HYAL1: variants seen among roughly 807,000 people sequenced by gnomAD.
The protein encoded by HYAL1 is hyaluronidase 1, also known as hyaluronidase-1.
Under a neutral mutation model 28.8 loss-of-function variants are expected in HYAL1, and 21 were observed. The ratio of observed to expected loss-of-function variants is 0.73; its 90% CI spans 0.52 to 1.05. The LOEUF (loss-of-function observed/expected upper bound fraction) is 1.05. Ranked by LOEUF, HYAL1 falls within the 50% of genes least tolerant of loss-of-function variation. The probability of loss-of-function intolerance (pLI) is 0.00; values close to 1 mark genes in which losing one functional copy is unlikely to be tolerated. For synonymous variants in HYAL1, 200 were observed against 230.1 expected, an observed-to-expected ratio of 0.87 and a Z score of 1.18; for missense variants, 491 against 579.2, an observed-to-expected ratio of 0.85 and a Z score of 1.56.
upstream of HYAL1, among the ~76,000 whole-genome samples, chr3:50,307,895 C>T (rs1225998511): frequency 6.9e-5 from 10 of 145,798 alleles, no homozygotes; most frequent in South Asian, 8.7e-4. Flanking sequence ...CCCGGGTTCA[C>T]GCCATTCTCC....
Position 50,300,371 on chromosome 3 carries a change from T to C in HYAL1, c.*112A>G. 9.5e-7 allele frequency: 1 copy of C among 1,053,444 alleles called. No homozygotes were observed. The highest frequency in any genetic ancestry group is 1.8e-5 in the Admixed American group (1 of 56,020). 65.3% of individuals were successfully genotyped at this position (1,053,444 alleles called of 1,614,324 possible). On this transcript the variant is annotated 3_prime_UTR_variant, in exon 4 of 4. Coordinates refer to ENST00000395144, the MANE Select transcript of HYAL1 (RefSeq NM_033159.4). ...GAATATGCCTGTGACAGTGGCTGAGTGTACTCTTTACTGTGACCATGACTT... is the reference window on the plus strand; with the variant it reads ...GAATATGCCTGTGACAGTGGCTGAGCGTACTCTTTACTGTGACCATGACTT...
At chr3:50,310,429 AT>A (rs782711884) in intron 1 of HYAL1, among the ~76,000 whole-genome samples, 14 of 143,412 alleles carry the variant, frequency 9.8e-5, no homozygotes, top group South Asian at 2.2e-4. Flanking sequence ...ACGCCCGGCT[AT>A]TTTTTTTTTG....
intron 1 of HYAL1, among the ~76,000 whole-genome samples, chr3:50,311,849 A>AC (rs1299040962): frequency 1.3e-5 from 1 of 79,216 alleles, no homozygotes; most frequent in Non-Finnish European, 2.4e-5. Context: ...CGGGGGGCTG[A>AC]CCCCCCCACC....
upstream of HYAL1, among the ~76,000 whole-genome samples, chr3:50,304,372 G>A (rs1300142812): frequency 1.0e-3 from 133 of 129,796 alleles, no homozygotes; most frequent in African/African-American, 3.6e-3. Flanking sequence ...AGGCTGAGGT[G>A]GGAGAATTGC....
chr3:50,307,191 CCT>C (rs587641619), upstream of HYAL1, among the ~76,000 whole-genome samples: 464 of 150,380 alleles, frequency 3.1e-3, 10 homozygotes, highest in African/African-American at 0.011. Flanking sequence ...ATGGCGAAAC[CCT>C]GTTTCTACTA....
At chr3:50,310,128 T>C (rs1268368016) in intron 1 of HYAL1, among the ~76,000 whole-genome samples, 6 of 151,520 alleles carry the variant, frequency 4.0e-5, no homozygotes, top group Non-Finnish European at 8.8e-5. Context: ...TTTTTGTTTG[T>C]TTGCTTCCAA....
intron 1 of HYAL1, among the ~76,000 whole-genome samples, chr3:50,311,096 G>A (rs1218946355): frequency 1.4e-4 from 22 of 152,096 alleles, no homozygotes; most frequent in African/African-American, 4.3e-4. Flanking sequence ...ATCATGGCCC[G>A]TTCTCAATGA....
chr3:50,304,297 ATATATATATATATATAT>A (rs1176917587), upstream of HYAL1, among the ~76,000 whole-genome samples: 19 of 14,774 alleles, frequency 1.3e-3, 2 homozygotes, highest in South Asian at 4.0e-3. Context: ...AAAAAAAAAA[ATATATATATATATATAT>A]ATATATATAT....
At chr3:50,307,088 C>A (rs78073598), upstream of HYAL1, among the ~76,000 whole-genome samples, 1 of 145,724 alleles carries the variant, frequency 6.9e-6, no homozygotes, top group Non-Finnish European at 1.5e-5. Flanking sequence ...AAAAATAAGC[C>A]GGGTGCAGTG....
intron 1 of HYAL1, among the ~76,000 whole-genome samples, chr3:50,311,905 CT>C (rs782149220): frequency 0.011 from 1,605 of 143,940 alleles, 78 homozygotes; most frequent in African/African-American, 0.025. Flanking sequence ...CTGATCCCCC[CT>C]CCCCTCACGG....
At chr3:50,311,316 C>G (rs1436461433) in intron 1 of HYAL1, among the ~76,000 whole-genome samples, 1 of 127,982 alleles carries the variant, frequency 7.8e-6, no homozygotes, top group Non-Finnish European at 1.7e-5. Context: ...GGGCGGGGGG[C>G]TGACCCCCCC....
upstream of HYAL1, among the ~76,000 whole-genome samples, chr3:50,305,772 G>T (rs1005920691): frequency 2.0e-5 from 3 of 151,104 alleles, no homozygotes; most frequent in African/African-American, 7.4e-5. Flanking sequence ...CTGACCTTGT[G>T]ATCTGCCCAC....
upstream of HYAL1, among the ~76,000 whole-genome samples, chr3:50,305,535 G>A (rs1178363619): frequency 2.1e-5 from 3 of 141,790 alleles, no homozygotes; most frequent in Non-Finnish European, 4.5e-5. Flanking sequence ...GAGCCACCGC[G>A]CCTGGCCTAA....
chr3:50,303,696 C>G (rs1412053784), upstream of HYAL1: 1 of 152,320 alleles, frequency 6.6e-6, no homozygotes, highest in Non-Finnish European at 1.5e-5. Context: ...ACCTCTGAAT[C>G]CCTGGCAAAG....
rs1443388424 is a variant in HYAL1, at chr3:50,310,592, C to T, written c.-309-815G>A. Among the ~76,000 whole-genome samples the T allele has an allele frequency of 3.2e-3, 379 of 117,924 alleles. 1 individual carries two copies. Among genetic ancestry groups the T allele is most frequent in the African/African-American group, 0.012 (347 of 28,394 alleles). 77.4% of individuals were successfully genotyped at this position (117,924 alleles called of 152,430 possible). On this transcript the variant is annotated intron_variant, in intron 1 of 5. Transcript: ENST00000320295. The stretch of plus-strand genomic sequence containing the variant: ...CTGTGGTTTCTTTTCTTTTTTTTTT[C>T]TTTTTTTTTTTTAATTATTATTTTT...
chr3:50,300,613 G>C lies in HYAL1; in HGVS notation c.1178C>G (p.Pro393Arg), dbSNP rs1373888891. The change falls in exon 4 of 4, where the codon CCT becomes CGT. Residue 393 changes from proline (P) to arginine (R), a missense_variant. Coordinates refer to ENST00000395144, the MANE Select transcript of HYAL1 (RefSeq NM_033159.4). ...CCGCAGGCTCAGGGGCCCACCACCA[G>C]GCGTGAGCTGGATGGAGAAACTGGC... Reference protein sequence around the residue: ...NPASFSIQLTPGGGPLSLRGA... With the variant: ...NPASFSIQLTRGGGPLSLRGA... 3 of 1,614,058 alleles carry C rather than the reference G, an allele frequency of 1.9e-6. No individual in the cohort carries two copies. Among genetic ancestry groups the C allele is most frequent in the African/African-American group, 2.7e-5 (2 of 74,934 alleles).
At chr3:50,304,805 C>G (rs1702303480), upstream of HYAL1, among the ~76,000 whole-genome samples, 1 of 152,106 alleles carries the variant, frequency 6.6e-6, no homozygotes, top group South Asian at 2.1e-4. Context: ...ATCTGAGCCT[C>G]TGCACAAATT....
Position 50,311,233 on chromosome 3 carries a change from A to AC in HYAL1, c.-310+1030dup, listed in dbSNP as rs1296695902. Among the ~76,000 whole-genome samples, 23 of 85,702 alleles carry AC rather than the reference A, an allele frequency of 2.7e-4. 2 individuals are homozygous for AC. The highest frequency in any genetic ancestry group is 8.9e-4 in the South Asian group (2 of 2,242). The allele number at this position is 85,702 out of a possible 152,430, so 56.2% of individuals were successfully genotyped here. ...GGGTGGCTGGCCGGGCGGGGGGCTGACCCCCCCAACTCCCTCCCGGCCGGG... is the reference window on the plus strand; with the variant it reads ...GGGTGGCTGGCCGGGCGGGGGGCTGACCCCCCCCAACTCCCTCCCGGCCGGG... On this transcript the variant is annotated intron_variant, in intron 1 of 5. Coordinates refer to the HYAL1 transcript ENST00000320295.
Position 50,312,364 on chromosome 3 carries a change from G to C in HYAL1, c.-410C>G, listed in dbSNP as rs1265935248. The stretch of plus-strand genomic sequence containing the variant: ...ACATCCCGGACGGGGCGACAGGGCA[G>C]AGGCGCTCCCCACATCTCAGACGAT... On this transcript the variant is annotated 5_prime_UTR_variant, in exon 1 of 6. Coordinates refer to the HYAL1 transcript ENST00000320295. 14 of 179,430 alleles carry C rather than the reference G, an allele frequency of 7.8e-5. No individual in the cohort carries two copies. In the South Asian group the frequency reaches 1.1e-3, roughly 15 times the overall value. 11.1% of individuals were successfully genotyped at this position (179,430 alleles called of 1,614,324 possible).
Sources: gnomAD v4.1 joint callset for allele counts (sites outside exome capture counted in the v4.1 genomes callset) on GRCh38, gnomAD v4.1.1 for gene constraint, MANE v1.5 for transcripts, NCBI Gene and HGNC (gene_info 2026-07-23, HGNC 2026-07-21) for gene names.